MVB12B: variants seen among roughly 807,000 people sequenced by gnomAD.
MVB12B encodes the protein ESCRT-I complex subunit MVB12B.
MVB12B carries 16 observed loss-of-function variants against 41.6 expected under a neutral mutation model. The observed-to-expected ratio is 0.38, with a 90% CI of 0.26 to 0.58. The LOEUF (loss-of-function observed/expected upper bound fraction) is 0.58, where lower values mean the gene tolerates loss of function less well. MVB12B is among the 20% of genes least tolerant of loss of function. MVB12B has a pLI of 0.62. For missense variants in MVB12B, 274 were observed against 380.2 expected (o/e 0.72, Z 2.32); for synonymous variants, 133 against 139.7 (o/e 0.95, Z 0.34).
chr9:126,421,828 C>T (rs750690710), intron 6 of MVB12B, 26 bp from the exon 7 acceptor site: 1 of 1,574,800 alleles, frequency 6.4e-7, no homozygotes, highest in African/African-American at 1.3e-5. Context: ...TTGTAATCTC[C>T]TTTCTCTCGT....
At chr9:126,500,983 A>T (rs532433639) in intron 9 of MVB12B, among the ~76,000 whole-genome samples, 1 of 152,276 alleles carries the variant, frequency 6.6e-6, no homozygotes, top group Admixed American at 6.5e-5. Flanking sequence ...CGCAGGGCGG[A>T]TGTCAGTGAG....
At chr9:126,327,284 A>G in intron 1 of MVB12B, 5 of 984,586 alleles carry the variant, frequency 5.1e-6, no homozygotes, top group Middle Eastern at 5.2e-4. Flanking sequence ...CAGCGCCCCC[A>G]AGGCCCGGGC....
In MVB12B at chr9:126,383,610, G is replaced by T. The variant is rs140952818; in HGVS notation, c.312+2439G>T. Among the ~76,000 whole-genome samples, 190 of 152,202 alleles carry T rather than the reference G, an allele frequency of 1.2e-3. 2 individuals are homozygous for T. Among genetic ancestry groups the T allele is most frequent in the African/African-American group, 4.5e-3 (185 of 41,524 alleles). On this transcript the variant is annotated intron_variant, in intron 3 of 9. Transcript: ENST00000361171. ...TAAATACCCTGAGTCAGTGCATATT[G>T]GGCTTTTGGCATGAATCATTTGCTC...
At chr9:126,497,814 G>A (rs1291596210) in intron 9 of MVB12B, among the ~76,000 whole-genome samples, 1 of 152,246 alleles carries the variant, frequency 6.6e-6, no homozygotes, top group African/African-American at 2.4e-5. Flanking sequence ...GACTTCAGCT[G>A]GCCCTGCAGC....
At position 126,503,312 on chromosome 9, in the gene MVB12B, C is replaced by T. The variant is rs773804848; in HGVS notation, c.*49C>T. 40 of 1,464,204 alleles carry T rather than the reference C, an allele frequency of 2.7e-5. No individual in the cohort carries two copies. The highest frequency in any genetic ancestry group is 4.0e-5 in the Admixed American group (2 of 50,096). 90.7% of individuals were successfully genotyped at this position (1,464,204 alleles called of 1,614,324 possible). On this transcript the variant is annotated 3_prime_UTR_variant, in exon 10 of 10. Coordinates refer to ENST00000361171, the MANE Select transcript of MVB12B (RefSeq NM_033446.3). ...AGACCACCGCCGCCCAGACTACTGA[C>T]GGCAGGGGCTGCTGCCCCCGCCTCC...
chr9:126,477,307 A>T (rs1024238136), intron 7 of MVB12B, among the ~76,000 whole-genome samples: 1 of 152,228 alleles, frequency 6.6e-6, no homozygotes, highest in Non-Finnish European at 1.5e-5. Context: ...TCGATCTCCA[A>T]CATTGGGGAT....
At chr9:126,461,626 T>G (rs1311111359) in intron 7 of MVB12B, among the ~76,000 whole-genome samples, 1 of 152,200 alleles carries the variant, frequency 6.6e-6, no homozygotes, top group Non-Finnish European at 1.5e-5. Context: ...AGCGAAATGT[T>G]TTCGTGAGGG....
chr9:126,452,924 G>A (rs763758706), intron 7 of MVB12B, among the ~76,000 whole-genome samples: 2 of 152,042 alleles, frequency 1.3e-5, no homozygotes, highest in Non-Finnish European at 2.9e-5. Flanking sequence ...AGAAATAAGT[G>A]ACCTGCTAAT....
rs572706949 is a variant in MVB12B at position 126,479,597 on chromosome 9, T to C, written c.758-1772T>C. Reference sequence around the variant, plus strand: ...CCCCACTTTCTGGGGAAGTGTTGCCTGTTCGGGACTTTTGTCCCATCTCTT... The same window carrying C: ...CCCCACTTTCTGGGGAAGTGTTGCCCGTTCGGGACTTTTGTCCCATCTCTT... On this transcript the variant is annotated intron_variant, in intron 7 of 9. Coordinates refer to ENST00000361171, the MANE Select transcript of MVB12B (RefSeq NM_033446.3). Among the ~76,000 whole-genome samples, 4 of 152,220 alleles carry C rather than the reference T, an allele frequency of 2.6e-5. 1 individual carries two copies. The South Asian group carries it at 8.3e-4, about 31-fold the overall frequency.
chr9:126,331,419 G>A (rs1829127781), intron 1 of MVB12B, among the ~76,000 whole-genome samples: 1 of 152,148 alleles, frequency 6.6e-6, no homozygotes. Flanking sequence ...ATTGTCTTTG[G>A]AAAGACTTGT....
chr9:126,391,542 TAGTGTCGTCAGGG>T lies in MVB12B; in HGVS notation c.410-522_410-510del, dbSNP rs1830952498. Among the ~76,000 whole-genome samples, 1 of 152,158 alleles carries T rather than the reference TAGTGTCGTCAGGG, an allele frequency of 6.6e-6. No homozygotes were observed. The highest frequency in any genetic ancestry group is 1.5e-5 in the Non-Finnish European group (1 of 68,018). ...CTGAGGTATTGATGGTGACATAACG[TAGTGTCGTCAGGG>T]ATTCATTTTAAATATCCAGCAAAAC... On this transcript the variant is annotated intron_variant, in intron 4 of 9. Transcript: ENST00000361171. The surrounding 1 kb of genome is among the most constrained non-coding windows in gnomAD (Gnocchi z 4.4).
chr9:126,397,064 C>T, intron 6 of MVB12B: 3 of 985,500 alleles, frequency 3.0e-6, no homozygotes, highest in Non-Finnish European at 3.6e-6. Context: ...TGTCGGGGTC[C>T]TCCATCACCT....
chr9:126,488,148 C>T (rs1045147400), intron 9 of MVB12B, among the ~76,000 whole-genome samples: 11 of 152,124 alleles, frequency 7.2e-5, no homozygotes, highest in African/African-American at 2.2e-4. Flanking sequence ...GGAGCCAGAA[C>T]GACTGGCTGT....
chr9:126,378,441 C>G (rs1830543234), intron 2 of MVB12B, among the ~76,000 whole-genome samples: 1 of 152,166 alleles, frequency 6.6e-6, no homozygotes, highest in Non-Finnish European at 1.5e-5. Context: ...CTTGTTCCAC[C>G]AGGGCTGCCT....
chr9:126,483,865 C>T (rs929855573), intron 8 of MVB12B, 108 bp from the exon 9 acceptor site: 34 of 1,148,998 alleles, frequency 3.0e-5, no homozygotes, highest in Admixed American at 1.4e-4. Context: ...GGTAGAGAAA[C>T]GCTAGATCAC....
chr9:126,461,266 T>C (rs2119176239), intron 7 of MVB12B, among the ~76,000 whole-genome samples: 2 of 152,374 alleles, frequency 1.3e-5, no homozygotes, highest in Admixed American at 1.3e-4. Context: ...TGGTGGCTTC[T>C]ACGGGGATTG....
At chr9:126,400,195 G>A (rs929745323) in intron 6 of MVB12B, among the ~76,000 whole-genome samples, 3 of 152,214 alleles carry the variant, frequency 2.0e-5, no homozygotes, top group Non-Finnish European at 4.4e-5. Context: ...TGCTGCAGAT[G>A]TCTTAAGGGT....
At chr9:126,371,075 T>C (rs368433077) in intron 2 of MVB12B, among the ~76,000 whole-genome samples, 15 of 152,350 alleles carry the variant, frequency 9.8e-5, no homozygotes, top group African/African-American at 3.4e-4. Context: ...CTGGGTACTA[T>C]TGATTGACTA....
chr9:126,380,113 G>A (rs1830593476), intron 2 of MVB12B, among the ~76,000 whole-genome samples: 1 of 152,164 alleles, frequency 6.6e-6, no homozygotes, highest in Non-Finnish European at 1.5e-5. Context: ...CCCCCTTCGC[G>A]GTGCTTAAAG....
Sources: gnomAD v4.1 joint callset for allele counts (sites outside exome capture counted in the v4.1 genomes callset) on GRCh38, gnomAD v4.1.1 for gene constraint, Gnocchi (gnomAD v3.1) non-coding constraint, MANE v1.5 for transcripts, NCBI Gene and HGNC (gene_info 2026-07-23, HGNC 2026-07-21) for gene names.